Variants in MCF2L observed in about 807,000 individuals in gnomAD.
The protein encoded by MCF2L is guanine nucleotide exchange factor DBS.
MCF2L carries 97 observed loss-of-function variants against 153.4 expected under a neutral mutation model. That is an observed-to-expected ratio of 0.63 (90% CI 0.54 to 0.75). The LOEUF (loss-of-function observed/expected upper bound fraction) is 0.75. Ranked by LOEUF, MCF2L falls within the 30% of genes least tolerant of loss-of-function variation. MCF2L has a pLI of 0.00. For synonymous variants in MCF2L, 659 were observed against 632.2 expected (o/e 1.04, Z -0.64); for missense variants, 1,347 against 1,495.2 (o/e 0.90, Z 1.64).
intron 2 of MCF2L, among the ~76,000 whole-genome samples, chr13:112,949,464 A>T (rs993302932): frequency 3.3e-5 from 5 of 152,236 alleles, no homozygotes; most frequent in Non-Finnish European, 5.9e-5. Flanking sequence ...CATGAATATA[A>T]CACACAAGCC....
chr13:112,928,299 G>T (rs527782985), intron 2 of MCF2L, among the ~76,000 whole-genome samples: 72 of 152,352 alleles, frequency 4.7e-4, no homozygotes, highest in African/African-American at 1.7e-3. Context: ...ATGATTTAAA[G>T]AAAACTTTTT....
chr13:113,085,012 G>C (rs1269932054), intron 19 of MCF2L, 28 bp downstream of exon 19: 1 of 1,612,122 alleles, frequency 6.2e-7, no homozygotes, highest in Non-Finnish European at 8.5e-7. Flanking sequence ...CCTTTAGAAC[G>C]TTACTCCCTT....
chr13:113,053,158 G>A lies in MCF2L; in HGVS notation c.370-7435G>A, dbSNP rs1024051714. Among the ~76,000 whole-genome samples, 10 of 152,122 alleles carry A rather than the reference G, an allele frequency of 6.6e-5. No homozygotes were observed. The highest frequency in any genetic ancestry group is 8.8e-5 in the Non-Finnish European group (6 of 68,026). On this transcript the variant is annotated intron_variant, in intron 4 of 29. Coordinates refer to ENST00000535094, the MANE Select transcript of MCF2L (RefSeq NM_001112732.3). This position sits in a 1 kb window ranked among gnomAD's most constrained non-coding sequence, Gnocchi z 4.4. ...GCATAACCACAGGCGAGTCTGCATC[G>A]CGGCCACACTGCCCTCTGGATGCCC...
chr13:113,016,025 A>C (rs996505455), intron 2 of MCF2L, among the ~76,000 whole-genome samples: 7 of 152,010 alleles, frequency 4.6e-5, no homozygotes, highest in Non-Finnish European at 7.4e-5. Flanking sequence ...TCCAGCCTTG[A>C]CCTTCCTCCA....
At chr13:113,088,072 G>A (rs564010182) in intron 23 of MCF2L, among the ~76,000 whole-genome samples, 61 of 152,238 alleles carry the variant, frequency 4.0e-4, no homozygotes, top group Non-Finnish European at 4.4e-4. Context: ...CATCTGGCAC[G>A]CAGGGCCGAT....
chr13:113,088,724 C>T (rs2034888107), intron 25 of MCF2L, 96 bp downstream of exon 25: 2 of 1,300,326 alleles, frequency 1.5e-6, no homozygotes, highest in Non-Finnish European at 2.1e-6. Context: ...CAGTGGGACC[C>T]TGTGGTTATT....
chr13:113,044,560 GGCTGGTGGTAGCA>G, intron 3 of MCF2L: 1 of 1,483,630 alleles, frequency 6.7e-7, no homozygotes, highest in Non-Finnish European at 9.1e-7. Flanking sequence ...GCTTTGGATT[GGCTGGTGGTAGCA>G]GCTGCTGGCA....
intron 1 of MCF2L, among the ~76,000 whole-genome samples, chr13:113,008,327 C>T (rs1284345869): frequency 2.0e-5 from 3 of 151,892 alleles, no homozygotes; most frequent in Admixed American, 6.6e-5. Context: ...CCCTTTGTTA[C>T]AGGGGAACGG....
chr13:112,985,355 G>T (rs374520506), intron 1 of MCF2L: 2 of 468,862 alleles, frequency 4.3e-6, no homozygotes, highest in Non-Finnish European at 4.4e-6. Context: ...AGGGCAGCGC[G>T]CGTCCTCCCC....
intron 3 of MCF2L, chr13:113,042,152 AC>A (rs1441712714): frequency 6.6e-6 from 1 of 151,870 alleles, no homozygotes; most frequent in African/African-American, 2.4e-5. Context: ...CCCCGTTCCC[AC>A]GCGCACCCTG....
chr13:112,958,512 G>C (rs1284726203), intron 2 of MCF2L, among the ~76,000 whole-genome samples: 1 of 152,176 alleles, frequency 6.6e-6, no homozygotes, highest in African/African-American at 2.4e-5. Flanking sequence ...GACGAGGGTG[G>C]GACTGGGTGG....
chr13:113,080,791 G>A (rs1328235657), intron 15 of MCF2L, among the ~76,000 whole-genome samples: 4 of 152,214 alleles, frequency 2.6e-5, no homozygotes, highest in Non-Finnish European at 5.9e-5. Flanking sequence ...CAGGGAGGCC[G>A]GGCAGCAGGC....
rs560170392 is a variant in MCF2L, at chr13:113,094,615, G to A, written c.3055G>A (p.Gly1019Arg). 1.1e-5 allele frequency: 18 copies of A among 1,611,270 alleles called. No homozygotes were observed. The highest frequency in any genetic ancestry group is 3.3e-5 in the South Asian group (3 of 90,918). The change falls in exon 27 of 30, where the codon GGG becomes AGG. Residue 1019 changes from glycine to arginine, a missense_variant. This residue lies in a region of MCF2L where 383 missense variants were observed against 335.4 expected (regional missense o/e 1.14). Transcript: ENST00000535094. The stretch of plus-strand genomic sequence containing the variant: ...CTCGTCCGACGCAGAGGAGGACGGC[G>A]GGTTGGGCCCCAAGAAGCTGGTAAC... ...INSSDAEEDG[G>R]LGPKKLVPGK...
chr13:113,091,260 G>A, intron 26 of MCF2L: 2 of 1,286,538 alleles, frequency 1.6e-6, no homozygotes, highest in Non-Finnish European at 2.1e-6. Context: ...CCAGCTGGCT[G>A]TCAGGTGGCC....
intron 2 of MCF2L, among the ~76,000 whole-genome samples, chr13:112,942,224 C>T (rs1203249746): frequency 6.6e-6 from 1 of 152,194 alleles, no homozygotes; most frequent in Non-Finnish European, 1.5e-5. Flanking sequence ...CTGGCTTTCC[C>T]TTTTAGATAG....
chr13:112,936,279 C>CAAAAAAAAAAAA (rs34826552), intron 2 of MCF2L, among the ~76,000 whole-genome samples: 1 of 74,280 alleles, frequency 1.3e-5, no homozygotes, highest in Non-Finnish European at 2.5e-5. Flanking sequence ...GACTCTGTCT[C>CAAAAAAAAAAAA]AAAAAAAAAA....
At chr13:112,970,185 T>C (rs2081990489) in intron 1 of MCF2L, among the ~76,000 whole-genome samples, 1 of 152,112 alleles carries the variant, frequency 6.6e-6, no homozygotes, top group African/African-American at 2.4e-5. Context: ...GAGGAAATAA[T>C]GATATATCAT....
At chr13:113,007,015 C>A (rs374770602) in intron 1 of MCF2L, among the ~76,000 whole-genome samples, 1 of 152,154 alleles carries the variant, frequency 6.6e-6, no homozygotes, top group Non-Finnish European at 1.5e-5. Context: ...AAGGAACCTG[C>A]GTCCCTCATC....
At chr13:113,014,427 G>A (rs766954218) in intron 1 of MCF2L, among the ~76,000 whole-genome samples, 5 of 152,090 alleles carry the variant, frequency 3.3e-5, no homozygotes, top group Non-Finnish European at 5.9e-5. Context: ...GTATTTATCC[G>A]AGGAGCCAGG....
Sources: gnomAD v4.1 joint callset for allele counts (sites outside exome capture counted in the v4.1 genomes callset) on GRCh38, gnomAD v4.1.1 for gene constraint, gnomAD v4.1.1 regional missense constraint, Gnocchi (gnomAD v3.1) non-coding constraint, MANE v1.5 for transcripts, NCBI Gene and HGNC (gene_info 2026-07-23, HGNC 2026-07-21) for gene names.